Variants in PPFIBP1 observed in about 807,000 individuals in gnomAD.
The protein encoded by PPFIBP1 is liprin-beta-1.
PPFIBP1 carries 112 observed loss-of-function variants against 137.8 expected under a neutral mutation model. The observed-to-expected ratio is 0.81, with a 90% CI of 0.70 to 0.95. The LOEUF (loss-of-function observed/expected upper bound fraction) is 0.95, where lower values mean the gene tolerates loss of function less well. Among genes scored for constraint, PPFIBP1 ranks in the 40% least tolerant of loss-of-function variants. The pLI, the probability that PPFIBP1 is intolerant of heterozygous loss-of-function variation, is 0.00. For missense variants in PPFIBP1, 1,083 were observed against 1,196.6 expected (o/e 0.91, Z 1.40); for synonymous variants, 378 against 417.3 (o/e 0.91, Z 1.15).
intron 2 of PPFIBP1, among the ~76,000 whole-genome samples, chr12:27,591,425 G>A (rs573970216): frequency 3.0e-4 from 46 of 152,290 alleles, no homozygotes; most frequent in African/African-American, 1.0e-3. Context: ...AATGACAATT[G>A]CAAAGGAGTT....
intron 26 of PPFIBP1, 76 bp from the exon 27 acceptor site, chr12:27,688,939 C>A: frequency 2.0e-6 from 3 of 1,471,952 alleles, no homozygotes; most frequent in Admixed American, 2.1e-5. Context: ...GAAAGCTTTG[C>A]AAATTATAAA....
chr12:27,676,332 C>A, intron 17 of PPFIBP1, 96 bp from the exon 18 acceptor site: 1 of 951,802 alleles, frequency 1.1e-6, no homozygotes, highest in Non-Finnish European at 1.4e-6. Context: ...TGAATAAACT[C>A]ATGGATGTGG....
chr12:27,650,549 G>A (rs1224073318), intron 7 of PPFIBP1, among the ~76,000 whole-genome samples: 1 of 152,158 alleles, frequency 6.6e-6, no homozygotes, highest in Non-Finnish European at 1.5e-5. Context: ...TTGAAAATCT[G>A]TATAGAAAAC....
At chr12:27,598,454 C>T (rs949573755) in intron 2 of PPFIBP1, among the ~76,000 whole-genome samples, 2 of 152,112 alleles carry the variant, frequency 1.3e-5, no homozygotes, top group Non-Finnish European at 2.9e-5. Context: ...GGGTCCCTCC[C>T]ACAACACCAG....
At chr12:27,550,754 T>C (rs1946681954) in intron 1 of PPFIBP1, among the ~76,000 whole-genome samples, 1 of 152,172 alleles carries the variant, frequency 6.6e-6, no homozygotes, top group Admixed American at 6.5e-5. Context: ...TTCTACCCCA[T>C]ACTTGGCTGA....
At chr12:27,611,671 T>C (rs557516895) in intron 2 of PPFIBP1, among the ~76,000 whole-genome samples, 15 of 152,362 alleles carry the variant, frequency 9.8e-5, no homozygotes, top group African/African-American at 3.6e-4. Context: ...GCTATACTTA[T>C]TTTGTAATTG....
chr12:27,561,528 G>C (rs1257244844), intron 1 of PPFIBP1, among the ~76,000 whole-genome samples: 5 of 152,162 alleles, frequency 3.3e-5, no homozygotes, highest in Admixed American at 3.3e-4. Flanking sequence ...GATAAAATGT[G>C]TCATTTTCCT....
At chr12:27,662,398 G>T (rs2059606994) in intron 11 of PPFIBP1, among the ~76,000 whole-genome samples, 2 of 152,218 alleles carry the variant, frequency 1.3e-5, no homozygotes, top group Non-Finnish European at 2.9e-5. Context: ...GCAGTGACAT[G>T]ATTACATTGC....
chr12:27,660,320 A>G (rs1247775622), intron 10 of PPFIBP1, among the ~76,000 whole-genome samples: 4 of 152,206 alleles, frequency 2.6e-5, no homozygotes, highest in South Asian at 4.1e-4. Flanking sequence ...CTTGAAATCT[A>G]TCTTAAGGTA....
intron 2 of PPFIBP1, chr12:27,599,354 G>T (rs906856225): frequency 2.4e-6 from 1 of 422,010 alleles, no homozygotes; most frequent in African/African-American, 2.0e-5. Flanking sequence ...AATCAGACTG[G>T]CACTTACACT....
chr12:27,647,624 A>T, intron 5 of PPFIBP1, 105 bp from the exon 6 acceptor site: 1 of 686,696 alleles, frequency 1.5e-6, no homozygotes. Flanking sequence ...TTATAACCGT[A>T]TGAATGGTAG....
At chr12:27,676,959 G>T in intron 18 of PPFIBP1, 105 bp from the exon 19 acceptor site, 1 of 1,433,214 alleles carries the variant, frequency 7.0e-7, no homozygotes, top group Non-Finnish European at 9.8e-7. Context: ...CTCCTCCACG[G>T]TGTGTATTTG....
At chr12:27,669,094 ATTTTAC>A (rs1452829413) in intron 13 of PPFIBP1, among the ~76,000 whole-genome samples, 2 of 152,058 alleles carry the variant, frequency 1.3e-5, no homozygotes, top group Non-Finnish European at 2.9e-5. Flanking sequence ...CTCTTCTCAC[ATTTTAC>A]TATAGGTAGT....
At chr12:27,692,771 G>T in intron 29 of PPFIBP1, 25 bp from the exon 30 acceptor site, 1 of 1,614,002 alleles carries the variant, frequency 6.2e-7, no homozygotes, top group South Asian at 1.1e-5. Flanking sequence ...CTCTCAGTGT[G>T]ACTCCCTGTC....
At chr12:27,679,338 T>C (rs998153536) in intron 19 of PPFIBP1, 151 bp from the exon 20 acceptor site, 2 of 714,640 alleles carry the variant, frequency 2.8e-6, no homozygotes, top group African/African-American at 3.6e-5. Context: ...CGTATATGTG[T>C]GTTCCATTTC....
At chr12:27,546,922 G>A (rs73091426) in intron 1 of PPFIBP1, 23,324 of 152,120 alleles carry the variant, frequency 0.15, 2,072 homozygotes, top group Middle Eastern at 0.27. Context: ...AGATCACTTG[G>A]GCTCAGGAGG....
intron 2 of PPFIBP1, among the ~76,000 whole-genome samples, chr12:27,604,545 T>A (rs2054315287): frequency 6.6e-6 from 1 of 152,228 alleles, no homozygotes; most frequent in African/African-American, 2.4e-5. Flanking sequence ...GCTTTATATT[T>A]CTGTCCATCC....
At chr12:27,566,632 T>G (rs2049701579) in intron 1 of PPFIBP1, among the ~76,000 whole-genome samples, 1 of 152,196 alleles carries the variant, frequency 6.6e-6, no homozygotes, top group Non-Finnish European at 1.5e-5. Context: ...ATGAGGACTT[T>G]TGGGGCAGTG....
chr12:27,680,675 A>C (rs141969489), intron 21 of PPFIBP1, among the ~76,000 whole-genome samples: 1 of 152,208 alleles, frequency 6.6e-6, no homozygotes, highest in Non-Finnish European at 1.5e-5. Context: ...GGACTATATA[A>C]TATTTTATCC....
Sources: gnomAD v4.1 joint callset for allele counts (sites outside exome capture counted in the v4.1 genomes callset) on GRCh38, gnomAD v4.1.1 for gene constraint, MANE v1.5 for transcripts, NCBI Gene and HGNC (gene_info 2026-07-23, HGNC 2026-07-21) for gene names.